Variants in CERS3 observed in about 807,000 individuals in gnomAD.
CERS3 encodes LAG1 homolog, ceramide synthase 3.
A neutral mutation model predicts 50.3 loss-of-function variants in CERS3; 33 were observed. That is an observed-to-expected ratio of 0.66 (90% CI 0.50 to 0.88). CERS3 has a LOEUF of 0.88. Ranked by LOEUF, CERS3 falls within the 40% of genes least tolerant of loss-of-function variation. The pLI is 0.00. For synonymous variants in CERS3, 176 were observed against 155.2 expected (o/e 1.13, Z -0.99); for missense variants, 470 against 460.3 (o/e 1.02, Z -0.19).
At chr15:100,501,352 C>A (rs1046911394) in intron 3 of CERS3, among the ~76,000 whole-genome samples, 1 of 152,162 alleles carries the variant, frequency 6.6e-6, no homozygotes. Context: ...TTGTCAGACA[C>A]CGTGGAAGAG....
intron 10 of CERS3, among the ~76,000 whole-genome samples, chr15:100,468,464 G>C (rs756501729): frequency 1.3e-5 from 2 of 152,146 alleles, no homozygotes; most frequent in Non-Finnish European, 2.9e-5. Context: ...CCAGGAAAGG[G>C]CATTGACCTC....
At chr15:100,525,636 C>G (rs2036764740) in intron 1 of CERS3, among the ~76,000 whole-genome samples, 1 of 152,170 alleles carries the variant, frequency 6.6e-6, no homozygotes, top group African/African-American at 2.4e-5. Context: ...GTTACAAGGT[C>G]AAAGATTCTT....
chr15:100,440,961 T>G (rs1323507753), intron 11 of CERS3, among the ~76,000 whole-genome samples: 2 of 152,230 alleles, frequency 1.3e-5, no homozygotes, highest in Non-Finnish European at 2.9e-5. Flanking sequence ...CAGCCTTCCC[T>G]TGGTGTTTAA....
chr15:100,515,979 G>A (rs1228171215), intron 2 of CERS3, among the ~76,000 whole-genome samples: 1 of 152,138 alleles, frequency 6.6e-6, no homozygotes, highest in East Asian at 1.9e-4. Flanking sequence ...TTAGTGTCGG[G>A]CACAAGTGAC....
At chr15:100,450,791 T>C (rs1016223701) in intron 11 of CERS3, among the ~76,000 whole-genome samples, 1 of 152,048 alleles carries the variant, frequency 6.6e-6, no homozygotes, top group Non-Finnish European at 1.5e-5. Context: ...AAGATAGCAT[T>C]CTAAGAACAG....
At chr15:100,525,492 T>TA (rs1477571616) in intron 1 of CERS3, among the ~76,000 whole-genome samples, 1 of 152,230 alleles carries the variant, frequency 6.6e-6, no homozygotes, top group African/African-American at 2.4e-5. Flanking sequence ...TTCTATTTAT[T>TA]AATGGAAATT....
chr15:100,455,821 C>T (rs898637473), intron 11 of CERS3, 72 bp downstream of exon 11: 5 of 902,456 alleles, frequency 5.5e-6, no homozygotes, highest in African/African-American at 5.1e-5. Context: ...TTAACTTGAA[C>T]ATTCAACAGT....
chr15:100,417,798 G>C (rs1490758255), intron 11 of CERS3, among the ~76,000 whole-genome samples: 2 of 151,892 alleles, frequency 1.3e-5, no homozygotes, highest in Non-Finnish European at 2.9e-5. Context: ...GCCTAACTGA[G>C]AGGCACCCCC....
intron 11 of CERS3, among the ~76,000 whole-genome samples, chr15:100,427,910 T>G (rs2032916199): frequency 6.6e-6 from 1 of 151,844 alleles, no homozygotes; most frequent in South Asian, 2.1e-4. Flanking sequence ...GGTAAAGAGG[T>G]CAGGTGGTGA....
chr15:100,523,792 G>A (rs891684075), intron 1 of CERS3, among the ~76,000 whole-genome samples: 18 of 151,526 alleles, frequency 1.2e-4, no homozygotes, highest in African/African-American at 4.4e-4. Flanking sequence ...TCAGTAGGAA[G>A]AAAACTGGGA....
chr15:100,493,368 G>A (rs75130621), intron 3 of CERS3, among the ~76,000 whole-genome samples: 3,744 of 152,122 alleles, frequency 0.025, 143 homozygotes, highest in African/African-American at 0.084. Flanking sequence ...GTGTCATTCC[G>A]CCGCCTTTGG....
At chr15:100,500,634 G>T (rs542870842) in intron 3 of CERS3, 1 of 152,200 alleles carries the variant, frequency 6.6e-6, no homozygotes, top group African/African-American at 2.4e-5. Context: ...ATCCAAATAC[G>T]TGAGTAAAAA....
At chr15:100,482,433 A>C (rs2035334924) in intron 5 of CERS3, among the ~76,000 whole-genome samples, 1 of 152,096 alleles carries the variant, frequency 6.6e-6, no homozygotes, top group Non-Finnish European at 1.5e-5. Flanking sequence ...CGTGGACTGC[A>C]TGGATCAGAT....
chr15:100,417,956 G>C (rs1294023722), intron 11 of CERS3, among the ~76,000 whole-genome samples: 1 of 152,062 alleles, frequency 6.6e-6, no homozygotes, highest in African/African-American at 2.4e-5. Flanking sequence ...AAGACCAAAA[G>C]TAGATAAAAC....
chr15:100,466,540 C>T (rs1039606792), intron 10 of CERS3, among the ~76,000 whole-genome samples: 1 of 152,022 alleles, frequency 6.6e-6, no homozygotes, highest in African/African-American at 2.4e-5. Flanking sequence ...ACTACTGAGG[C>T]TGTTTATGAA....
chr15:100,480,282 T>C (rs939029670), intron 5 of CERS3, among the ~76,000 whole-genome samples: 9 of 152,122 alleles, frequency 5.9e-5, no homozygotes, highest in Non-Finnish European at 2.9e-5. Context: ...TACCTCAAAA[T>C]GTGAAAAGAA....
intron 11 of CERS3, among the ~76,000 whole-genome samples, chr15:100,445,369 C>G (rs2033888802): frequency 6.6e-6 from 1 of 151,426 alleles, no homozygotes. Context: ...TGGTGCTATC[C>G]CCAAACCGCC....
rs527461296 is a variant in CERS3, at chr15:100,453,041, G to C, written c.999+2852C>G. 3.6e-4 allele frequency among the ~76,000 whole-genome samples: 54 copies of C among 152,072 alleles called. 3 individuals are homozygous for C. The Middle Eastern group carries it at 0.02, about 57-fold the overall frequency. ...ACAAAGAAAAGTCCAGGTCCAGATA[G>C]CTGTATTGCTAAATTCCACCAAATT... On this transcript the variant is annotated intron_variant, in intron 11 of 11. Transcript: ENST00000679737.
intron 11 of CERS3, among the ~76,000 whole-genome samples, chr15:100,409,223 G>A (rs2031288090): frequency 6.6e-6 from 1 of 151,974 alleles, no homozygotes; most frequent in Non-Finnish European, 1.5e-5. Context: ...TGGCCTTTAG[G>A]TATAAATTTG....
Sources: allele counts gnomAD v4.1 joint callset (sites outside exome capture counted in the v4.1 genomes callset), GRCh38; gene constraint gnomAD v4.1.1; transcripts MANE v1.5; gene names NCBI Gene and HGNC (gene_info 2026-07-23, HGNC 2026-07-21).